Variants in NXPH1 observed in about 807,000 individuals in gnomAD.
NXPH1 encodes the protein neurexophilin-1.
NXPH1 carries 5 observed loss-of-function variants against 23.7 expected under a neutral mutation model. That is an observed-to-expected ratio of 0.21 (90% CI 0.11 to 0.44). NXPH1 has a LOEUF of 0.44. Among genes scored for constraint, NXPH1 ranks in the 20% least tolerant of loss-of-function variants. The pLI is 0.99. For synonymous variants in NXPH1, 144 were observed against 122.2 expected (o/e 1.18, Z -1.18); for missense variants, 324 against 321.6 (o/e 1.01, Z -0.06).
chr7:8,717,859 A>G (rs1473259062), intron 2 of NXPH1, among the ~76,000 whole-genome samples: 2 of 150,764 alleles, frequency 1.3e-5, no homozygotes, highest in East Asian at 3.9e-4. Context: ...TTAAAATAAA[A>G]ACTGGATCAT....
chr7:8,630,542 G>A (rs1175363707), intron 2 of NXPH1, among the ~76,000 whole-genome samples: 1 of 152,050 alleles, frequency 6.6e-6, no homozygotes, highest in East Asian at 1.9e-4. Flanking sequence ...TTATAAAAAT[G>A]TTCTACAAGC....
intron 2 of NXPH1, among the ~76,000 whole-genome samples, chr7:8,623,461 A>G (rs933679251): frequency 1.3e-5 from 2 of 152,196 alleles, no homozygotes; most frequent in African/African-American, 4.8e-5. Flanking sequence ...TGTCATGAAA[A>G]CTAAATACTT....
At chr7:8,530,103 G>A (rs1257898811) in intron 2 of NXPH1, among the ~76,000 whole-genome samples, 1 of 152,094 alleles carries the variant, frequency 6.6e-6, no homozygotes, top group African/African-American at 2.4e-5. Context: ...AGAGGCCCAG[G>A]ACACTTACCA....
intron 2 of NXPH1, among the ~76,000 whole-genome samples, chr7:8,504,925 A>G (rs1199884486): frequency 6.6e-6 from 1 of 152,040 alleles, no homozygotes; most frequent in Admixed American, 6.6e-5. Context: ...TGAAAAATAA[A>G]TATTTGTTGT....
At chr7:8,696,327 G>A (rs938854308) in intron 2 of NXPH1, among the ~76,000 whole-genome samples, 3 of 152,110 alleles carry the variant, frequency 2.0e-5, no homozygotes, top group African/African-American at 4.8e-5. Context: ...ATGACTATGG[G>A]GACATTGGGC....
At chr7:8,598,871 G>A (rs922277236) in intron 2 of NXPH1, among the ~76,000 whole-genome samples, 1 of 152,112 alleles carries the variant, frequency 6.6e-6, no homozygotes, top group African/African-American at 2.4e-5. Flanking sequence ...TCTGATCATT[G>A]TATGCCTGCT....
intron 2 of NXPH1, among the ~76,000 whole-genome samples, chr7:8,458,339 G>C (rs1003377329): frequency 6.6e-6 from 1 of 152,194 alleles, no homozygotes; most frequent in Non-Finnish European, 1.5e-5. Context: ...GATTCATGCT[G>C]TGGTTGATAT....
At chr7:8,736,638 A>G (rs1278791589) in intron 2 of NXPH1, among the ~76,000 whole-genome samples, 2 of 152,198 alleles carry the variant, frequency 1.3e-5, no homozygotes, top group East Asian at 1.9e-4. Context: ...GTAAATGCCT[A>G]TTAGGTCCTC....
intron 2 of NXPH1, among the ~76,000 whole-genome samples, chr7:8,493,172 G>C (rs1016214640): frequency 6.6e-6 from 1 of 151,890 alleles, no homozygotes; most frequent in Non-Finnish European, 1.5e-5. Context: ...CCATTGCCAG[G>C]GTTATATTAT....
At chr7:8,651,897 AGAAC>A (rs2115152936) in intron 2 of NXPH1, among the ~76,000 whole-genome samples, 1 of 152,288 alleles carries the variant, frequency 6.6e-6, no homozygotes, top group Admixed American at 6.5e-5. Context: ...TTAATTTTCG[AGAAC>A]AAGTATAATA....
intron 2 of NXPH1, among the ~76,000 whole-genome samples, chr7:8,476,078 A>G (rs1816965658): frequency 6.6e-6 from 1 of 152,182 alleles, no homozygotes; most frequent in South Asian, 2.1e-4. Context: ...AAGTAATTTG[A>G]TAAGTTCTTC....
chr7:8,744,558 C>G (rs1309785335), intron 2 of NXPH1, among the ~76,000 whole-genome samples: 1 of 152,168 alleles, frequency 6.6e-6, no homozygotes, highest in Non-Finnish European at 1.5e-5. Flanking sequence ...GTTTCTTGCA[C>G]AATACCATCT....
intron 2 of NXPH1, among the ~76,000 whole-genome samples, chr7:8,637,542 T>C (rs1820238067): frequency 6.6e-6 from 1 of 152,142 alleles, no homozygotes; most frequent in African/African-American, 2.4e-5. Context: ...TGACTCTTAT[T>C]TCCTGTTCTG....
At chr7:8,551,829 TC>T (rs1164173987) in intron 2 of NXPH1, among the ~76,000 whole-genome samples, 1 of 151,466 alleles carries the variant, frequency 6.6e-6, no homozygotes, top group Non-Finnish European at 1.5e-5. Flanking sequence ...ATATTTTTTC[TC>T]CATGTCCAAC....
At chr7:8,488,687 A>C (rs1404779161) in intron 2 of NXPH1, among the ~76,000 whole-genome samples, 1 of 152,150 alleles carries the variant, frequency 6.6e-6, no homozygotes, top group African/African-American at 2.4e-5. Flanking sequence ...GACCTAGATC[A>C]ATCACCTATA....
At chr7:8,596,447 CA>C (rs1554259472) in intron 2 of NXPH1, among the ~76,000 whole-genome samples, 2 of 152,078 alleles carry the variant, frequency 1.3e-5, no homozygotes, top group South Asian at 2.1e-4. Context: ...TAACATCAAC[CA>C]CTGCCAAAGT....
At chr7:8,745,524 C>T (rs556285647) in intron 2 of NXPH1, among the ~76,000 whole-genome samples, 9 of 151,842 alleles carry the variant, frequency 5.9e-5, no homozygotes, top group South Asian at 4.2e-4. Flanking sequence ...TTCATTCTTA[C>T]ATTTGACACG....
intron 2 of NXPH1, among the ~76,000 whole-genome samples, chr7:8,730,525 G>A (rs1281501247): frequency 2.0e-5 from 3 of 151,802 alleles, no homozygotes; most frequent in East Asian, 3.9e-4. Flanking sequence ...AGCTCTTTTA[G>A]GGCAGGCCTG....
intron 2 of NXPH1, among the ~76,000 whole-genome samples, chr7:8,467,052 T>A (rs952899784): frequency 7.9e-5 from 12 of 152,250 alleles, no homozygotes; most frequent in African/African-American, 2.9e-4. Flanking sequence ...ATGCAAGAAA[T>A]ATACAGCAGC....
Sources: allele counts gnomAD v4.1 joint callset (sites outside exome capture counted in the v4.1 genomes callset), GRCh38; gene constraint gnomAD v4.1.1; transcripts MANE v1.5; gene names NCBI Gene and HGNC (gene_info 2026-07-23, HGNC 2026-07-21).